Variants in MYO9A observed in about 807,000 individuals in gnomAD.
MYO9A encodes the protein myosin IXA.
Under a neutral mutation model 293.3 loss-of-function variants are expected in MYO9A, and 103 were observed. The observed-to-expected ratio is 0.35, with a 90% CI of 0.30 to 0.41. The LOEUF is 0.41. Ranked by LOEUF, MYO9A falls within the 10% of genes least tolerant of loss-of-function variation. The probability of loss-of-function intolerance (pLI) is 1.00; values close to 1 mark genes in which losing one functional copy is unlikely to be tolerated. For missense variants in MYO9A, 2,685 were observed against 3,033.0 expected (o/e 0.89, Z 2.69); for synonymous variants, 1,001 against 1,035.7 (o/e 0.97, Z 0.64).
intron 1 of MYO9A, among the ~76,000 whole-genome samples, chr15:72,073,080 T>G (rs2079243324): frequency 6.6e-6 from 1 of 152,214 alleles, no homozygotes; most frequent in Admixed American, 6.5e-5. Context: ...CAATTCTTAC[T>G]GAATCATCCT....
chr15:71,939,081 T>G (rs189217450), intron 15 of MYO9A, 154 bp from the exon 16 acceptor site: 1 of 558,218 alleles, frequency 1.8e-6, no homozygotes, highest in Non-Finnish European at 3.1e-6. Context: ...GTCTCATAAC[T>G]GTCATAGATC....
At chr15:72,111,804 T>G (rs1349845249) in intron 1 of MYO9A, among the ~76,000 whole-genome samples, 1 of 151,928 alleles carries the variant, frequency 6.6e-6, no homozygotes, top group Non-Finnish European at 1.5e-5. Flanking sequence ...ACTCAGCTAT[T>G]TAATAATAAT....
intron 17 of MYO9A, among the ~76,000 whole-genome samples, chr15:71,934,603 T>C (rs2058574640): frequency 6.8e-6 from 1 of 146,038 alleles, no homozygotes; most frequent in Non-Finnish European, 1.5e-5. Context: ...TTTTTTTCCT[T>C]TTTTTTTTTT....
chr15:71,956,583 T>C (rs1193688604), intron 14 of MYO9A, among the ~76,000 whole-genome samples: 1 of 149,854 alleles, frequency 6.7e-6, no homozygotes, highest in Non-Finnish European at 1.5e-5. Context: ...GAGGTGAAGG[T>C]TGCAGTGAGC....
intron 31 of MYO9A, among the ~76,000 whole-genome samples, chr15:71,877,489 A>G (rs1294520323): frequency 6.6e-6 from 1 of 152,044 alleles, no homozygotes; most frequent in Non-Finnish European, 1.5e-5. Flanking sequence ...ACGGAGTCGC[A>G]CTTTGCCACC....
intron 3 of MYO9A, among the ~76,000 whole-genome samples, chr15:72,028,218 A>AATAAATAAATATATATATAT (rs1555408276): frequency 1.0e-4 from 14 of 134,244 alleles, no homozygotes; most frequent in African/African-American, 3.6e-4. Flanking sequence ...TAAATAAATA[A>AATAAATAAATATATATATAT]ATATATATAT....
intron 6 of MYO9A, among the ~76,000 whole-genome samples, chr15:72,013,349 C>T (rs923413579): frequency 3.3e-5 from 5 of 152,192 alleles, no homozygotes; most frequent in African/African-American, 1.2e-4. Flanking sequence ...TCCCAAGTCA[C>T]TTCTAGAGGG....
At chr15:71,989,938 G>A (rs924876615) in intron 11 of MYO9A, among the ~76,000 whole-genome samples, 3 of 151,886 alleles carry the variant, frequency 2.0e-5, no homozygotes, top group African/African-American at 7.3e-5. Flanking sequence ...CTGAGGTGGG[G>A]GGACTCCTTA....
chr15:71,931,464 T>A (rs1380997116), intron 18 of MYO9A, among the ~76,000 whole-genome samples: 1 of 152,206 alleles, frequency 6.6e-6, no homozygotes, highest in Admixed American at 6.5e-5. Flanking sequence ...CTGATGATAG[T>A]CTTGTGGGGG....
chr15:71,852,052 T>C (rs2055670098), intron 36 of MYO9A, 80 bp downstream of exon 36: 1 of 1,410,084 alleles, frequency 7.1e-7, no homozygotes, highest in Non-Finnish European at 9.5e-7. Context: ...CACTAGAGGA[T>C]GGCTTGATAA....
At chr15:71,906,692 G>A (rs1443762131) in intron 19 of MYO9A, among the ~76,000 whole-genome samples, 17 of 147,810 alleles carry the variant, frequency 1.2e-4, no homozygotes, top group Non-Finnish European at 2.4e-4. Context: ...TGTATTTAAA[G>A]AGGTTTCTTG....
chr15:72,073,104 T>C (rs1254197598), intron 1 of MYO9A, among the ~76,000 whole-genome samples: 1 of 152,234 alleles, frequency 6.6e-6, no homozygotes, highest in Non-Finnish European at 1.5e-5. Context: ...ATAATATGGA[T>C]ACTTAGGACA....
chr15:72,063,802 GTA>G (rs1458239442), intron 1 of MYO9A, among the ~76,000 whole-genome samples: 3 of 152,164 alleles, frequency 2.0e-5, no homozygotes, highest in African/African-American at 7.2e-5. Flanking sequence ...TAACTGCTAG[GTA>G]TATACCCAAA....
At chr15:72,051,001 T>C (rs910942080) in intron 1 of MYO9A, among the ~76,000 whole-genome samples, 5 of 152,246 alleles carry the variant, frequency 3.3e-5, no homozygotes, top group African/African-American at 1.2e-4. Flanking sequence ...TTTTTCTGAC[T>C]CACTCCTACA....
intron 3 of MYO9A, among the ~76,000 whole-genome samples, chr15:72,029,911 C>G (rs1366916505): frequency 6.6e-6 from 1 of 152,136 alleles, no homozygotes; most frequent in Admixed American, 6.5e-5. Context: ...GTATTTCTCC[C>G]AGTTGCCTCC....
chr15:72,058,528 G>C (rs1031509207), intron 1 of MYO9A, among the ~76,000 whole-genome samples: 1 of 152,126 alleles, frequency 6.6e-6, no homozygotes, highest in Admixed American at 6.6e-5. Flanking sequence ...CTAAATAAAT[G>C]ATGTGGGGAT....
chr15:71,844,199 T>G (rs2055287625), intron 39 of MYO9A, among the ~76,000 whole-genome samples: 1 of 152,216 alleles, frequency 6.6e-6, no homozygotes, highest in Admixed American at 6.5e-5. Context: ...CCAGGCAGAA[T>G]TAAGTACTTC....
intron 12 of MYO9A, among the ~76,000 whole-genome samples, chr15:71,976,146 T>G (rs936612459): frequency 1.3e-5 from 2 of 152,140 alleles, no homozygotes; most frequent in African/African-American, 4.8e-5. Flanking sequence ...GATCTGATAC[T>G]ACCTCCAGGT....
chr15:71,951,746 G>A (rs767930800), intron 15 of MYO9A, 31 bp downstream of exon 15: 2 of 1,613,020 alleles, frequency 1.2e-6, no homozygotes, highest in Non-Finnish European at 1.7e-6. Context: ...ATGGATATGT[G>A]ATAACAGTTT....
Sources: gnomAD v4.1 joint callset for allele counts (sites outside exome capture counted in the v4.1 genomes callset) on GRCh38, gnomAD v4.1.1 for gene constraint, MANE v1.5 for transcripts, NCBI Gene and HGNC (gene_info 2026-07-23, HGNC 2026-07-21) for gene names.